The following OTUD7A variants were observed in gnomAD, a reference collection of about 807,000 sequenced individuals.
The protein encoded by OTUD7A is OTU deubiquitinase 7A.
In OTUD7A, 12 loss-of-function variants were observed where a neutral mutation model predicts 65.7. The ratio of observed to expected loss-of-function variants is 0.18; its 90% CI spans 0.12 to 0.30. The LOEUF is 0.30. Among genes scored for constraint, OTUD7A ranks in the 10% least tolerant of loss-of-function variants. OTUD7A has a pLI of 1.00. For synonymous variants in OTUD7A, 641 were observed against 586.3 expected, an observed-to-expected ratio of 1.09 and a Z score of -1.35; for missense variants, 1,148 against 1,304.8, an observed-to-expected ratio of 0.88 and a Z score of 1.85.
At chr15:31,506,421 G>A (rs1220073275) in intron 8 of OTUD7A, among the ~76,000 whole-genome samples, 1 of 151,634 alleles carries the variant, frequency 6.6e-6, no homozygotes, top group Non-Finnish European at 1.5e-5. Context: ...ATTTGATTTT[G>A]TATTTTAAAT....
intron 3 of OTUD7A, among the ~76,000 whole-genome samples, chr15:31,617,574 A>G (rs1890630954): frequency 6.6e-6 from 1 of 152,198 alleles, no homozygotes; most frequent in African/African-American, 2.4e-5. Context: ...AGGCAGATAC[A>G]CAGGAATATA....
chr15:31,629,300 C>G (rs541296548), intron 3 of OTUD7A, among the ~76,000 whole-genome samples: 4,667 of 152,122 alleles, frequency 0.031, 250 homozygotes, highest in African/African-American at 0.11. Flanking sequence ...TTTTTAGCAT[C>G]AAGGGTTGTT....
chr15:31,603,234 C>T (rs754615036), intron 3 of OTUD7A, among the ~76,000 whole-genome samples: 24 of 152,064 alleles, frequency 1.6e-4, no homozygotes, highest in Non-Finnish European at 2.9e-4. Flanking sequence ...GGCACTGGTA[C>T]CAAAACAGAT....
At chr15:31,843,781 G>A (rs572780389) in intron 1 of OTUD7A, among the ~76,000 whole-genome samples, 2 of 152,246 alleles carry the variant, frequency 1.3e-5, no homozygotes, top group South Asian at 4.1e-4. Context: ...TGATGTCCAG[G>A]AGCATATGTC....
chr15:31,484,793 C>G lies in OTUD7A; in HGVS notation c.1372-69G>C. 1.5e-5 allele frequency: 23 copies of G among 1,530,330 alleles called. No individual in the cohort carries two copies. Among genetic ancestry groups the G allele is most frequent in the Non-Finnish European group, 2.0e-5 (23 of 1,142,190 alleles). The allele number at this position is 1,530,330 out of a possible 1,614,324, so 94.8% of individuals were successfully genotyped here. On this transcript the variant is annotated intron_variant, in intron 12 of 12. Transcript: ENST00000307050. The surrounding 1 kb of genome is among the most constrained non-coding windows in gnomAD (Gnocchi z 4.5). ...GCTGTCCACGCGCCAGCGAGGAAGA[C>G]ACACCTTGCCCCTGTGTTGCCGAGG...
intron 3 of OTUD7A, among the ~76,000 whole-genome samples, chr15:31,647,541 T>C (rs1049374790): frequency 2.0e-5 from 3 of 152,222 alleles, no homozygotes; most frequent in African/African-American, 7.2e-5. Context: ...CCTCAAATCT[T>C]TGCTCAGATC....
At chr15:31,687,596 G>A (rs1396027228) in intron 1 of OTUD7A, among the ~76,000 whole-genome samples, 1 of 152,186 alleles carries the variant, frequency 6.6e-6, no homozygotes, top group Non-Finnish European at 1.5e-5. Context: ...AGAAATGTTT[G>A]CTCGCAGTCA....
chr15:31,577,280 C>T (rs1325408269), intron 3 of OTUD7A, among the ~76,000 whole-genome samples: 2 of 152,150 alleles, frequency 1.3e-5, no homozygotes, highest in Non-Finnish European at 2.9e-5. Flanking sequence ...GCGATGTATT[C>T]TCTCTGAAGG....
chr15:31,484,907 G>C lies in OTUD7A; in HGVS notation c.1372-183C>G, dbSNP rs1296740248. 6.6e-6 allele frequency among the ~76,000 whole-genome samples: 1 copy of C among 152,220 alleles called. No homozygotes were observed. The highest frequency in any genetic ancestry group is 1.9e-4 in the East Asian group (1 of 5,192). The stretch of plus-strand genomic sequence containing the variant: ...TGGGCGGTGCTGAAGGAGCGGATAG[G>C]AGTGGGCTCTGATCTGCTGCGGTAG... On this transcript the variant is annotated intron_variant, in intron 12 of 12. Coordinates refer to ENST00000307050, the MANE Select transcript of OTUD7A (RefSeq NM_001382637.1). This position sits in a 1 kb window ranked among gnomAD's most constrained non-coding sequence, Gnocchi z 4.5.
At chr15:31,605,585 G>A (rs1890216291) in intron 3 of OTUD7A, among the ~76,000 whole-genome samples, 1 of 152,218 alleles carries the variant, frequency 6.6e-6, no homozygotes, top group South Asian at 2.1e-4. Flanking sequence ...ATTGGGCAAA[G>A]CCATTAGGGG....
intron 1 of OTUD7A, among the ~76,000 whole-genome samples, chr15:31,860,928 G>A (rs1897725176): frequency 6.9e-6 from 1 of 144,152 alleles, no homozygotes; most frequent in Admixed American, 7.0e-5. Context: ...ACCATGTTAG[G>A]CAGGATGGTC....
At chr15:31,607,361 T>G (rs1228418739) in intron 3 of OTUD7A, among the ~76,000 whole-genome samples, 1 of 152,038 alleles carries the variant, frequency 6.6e-6, no homozygotes, top group Non-Finnish European at 1.5e-5. Context: ...GAGAGTAAAC[T>G]AAAAACAAAC....
At chr15:31,814,127 A>G (rs1378117525) in intron 1 of OTUD7A, among the ~76,000 whole-genome samples, 1 of 152,268 alleles carries the variant, frequency 6.6e-6, no homozygotes, top group Non-Finnish European at 1.5e-5. Context: ...CATGCTAATT[A>G]TGCACTATAA....
chr15:31,771,773 CT>C (rs1457815433), intron 1 of OTUD7A, among the ~76,000 whole-genome samples: 1 of 152,182 alleles, frequency 6.6e-6, no homozygotes. Flanking sequence ...CCAGACCCCC[CT>C]CTCCAACCTC....
chr15:31,608,182 G>A (rs1302036389), intron 3 of OTUD7A, among the ~76,000 whole-genome samples: 1 of 152,150 alleles, frequency 6.6e-6, no homozygotes, highest in Non-Finnish European at 1.5e-5. Flanking sequence ...GGGAGACGGA[G>A]GTTGCAGTGA....
At chr15:31,840,121 T>C (rs1314608252) in intron 1 of OTUD7A, among the ~76,000 whole-genome samples, 3 of 152,268 alleles carry the variant, frequency 2.0e-5, no homozygotes, top group East Asian at 1.9e-4. Flanking sequence ...TATAGACTAT[T>C]ATAAAATTGA....
At position 31,487,322 on chromosome 15, in the gene OTUD7A, C is replaced by T. The variant is rs2041251865; in HGVS notation, c.1287-44G>A. On this transcript the variant is annotated intron_variant, in intron 11 of 12. Transcript: ENST00000307050. The surrounding 1 kb of genome is among the most constrained non-coding windows in gnomAD (Gnocchi z 6.0). ...CCTATTGAAATGGTCTGAGCTGGCC[C>T]TTATAGCACCCAGTCCACTTGCATG... 2 of 1,603,764 alleles carry T rather than the reference C, an allele frequency of 1.2e-6. No individual in the cohort carries two copies. The highest frequency in any genetic ancestry group is 1.1e-5 in the South Asian group (1 of 90,614).
chr15:31,670,820 T>C (rs2141295400), intron 1 of OTUD7A, among the ~76,000 whole-genome samples: 1 of 151,666 alleles, frequency 6.6e-6, no homozygotes, highest in Admixed American at 6.6e-5. Flanking sequence ...TGAAACCCCG[T>C]CTCTACTAAA....
chr15:31,762,790 A>G (rs1346903581), intron 1 of OTUD7A, among the ~76,000 whole-genome samples: 1 of 152,252 alleles, frequency 6.6e-6, no homozygotes, highest in Non-Finnish European at 1.5e-5. Context: ...TTATGATAAG[A>G]CATAGAGTCT....
Sources: gnomAD v4.1 joint callset for allele counts (sites outside exome capture counted in the v4.1 genomes callset) on GRCh38, gnomAD v4.1.1 for gene constraint, Gnocchi (gnomAD v3.1) non-coding constraint, MANE v1.5 for transcripts, NCBI Gene and HGNC (gene_info 2026-07-23, HGNC 2026-07-21) for gene names.